Variants in ARPP21 observed in about 807,000 individuals in gnomAD.
The protein encoded by ARPP21 is cAMP regulated phosphoprotein 21, also known as cAMP-regulated phosphoprotein 21.
A neutral mutation model predicts 113.2 loss-of-function variants in ARPP21; 69 were observed. The ratio of observed to expected loss-of-function variants is 0.61; its 90% CI spans 0.50 to 0.74. ARPP21 has a LOEUF of 0.74. ARPP21 is among the 30% of genes least tolerant of loss of function. The probability of loss-of-function intolerance (pLI) is 0.00; values close to 1 mark genes in which losing one functional copy is unlikely to be tolerated. For missense variants in ARPP21, 1,070 were observed against 1,037.4 expected (o/e 1.03, Z -0.43); for synonymous variants, 368 against 375.5 (o/e 0.98, Z 0.23).
At chr3:35,693,312 T>C (rs2082810235) in intron 9 of ARPP21, among the ~76,000 whole-genome samples, 1 of 151,608 alleles carries the variant, frequency 6.6e-6, no homozygotes, top group Non-Finnish European at 1.5e-5. Context: ...AGTGTTGAGC[T>C]CAATAATGTT....
At chr3:35,743,769 A>T (rs1012946336) in intron 18 of ARPP21, 70 bp from the exon 19 acceptor site, 25 of 1,527,102 alleles carry the variant, frequency 1.6e-5, no homozygotes, top group Admixed American at 8.4e-5. Context: ...AGACGAAAGC[A>T]TATTTTAAGT....
chr3:35,711,883 C>A (rs1033788203), intron 11 of ARPP21, among the ~76,000 whole-genome samples: 1 of 152,168 alleles, frequency 6.6e-6, no homozygotes, highest in Non-Finnish European at 1.5e-5. Flanking sequence ...AAGCCACAGT[C>A]TTTTATAACC....
At chr3:35,688,197 C>T (rs751620921) in intron 6 of ARPP21, among the ~76,000 whole-genome samples, 6 of 151,304 alleles carry the variant, frequency 4.0e-5, no homozygotes, top group Non-Finnish European at 5.9e-5. Context: ...TTTCTTGGAC[C>T]GATTAACTTG....
chr3:35,714,579 G>A (rs970348161), intron 11 of ARPP21, among the ~76,000 whole-genome samples: 1 of 152,082 alleles, frequency 6.6e-6, no homozygotes, highest in African/African-American at 2.4e-5. Flanking sequence ...TTTGGAAATG[G>A]TTTTGTGTTA....
At chr3:35,741,590 A>T (rs920049203) in intron 18 of ARPP21, among the ~76,000 whole-genome samples, 3 of 152,248 alleles carry the variant, frequency 2.0e-5, no homozygotes, top group Admixed American at 6.5e-5. Context: ...TGAAAAGCAC[A>T]TGGACGAGAC....
chr3:35,757,724 T>G (rs2095624103), intron 19 of ARPP21, among the ~76,000 whole-genome samples: 1 of 152,130 alleles, frequency 6.6e-6, no homozygotes, highest in Admixed American at 6.6e-5. Flanking sequence ...GTTTTGACTC[T>G]TCTCTTTCTG....
At chr3:35,659,346 T>C (rs991716204) in intron 1 of ARPP21, among the ~76,000 whole-genome samples, 2 of 152,188 alleles carry the variant, frequency 1.3e-5, no homozygotes, top group Admixed American at 6.5e-5. Flanking sequence ...TTTTAAAATA[T>C]GATAATATGA....
chr3:35,664,635 C>T (rs1424401332), intron 1 of ARPP21, among the ~76,000 whole-genome samples: 1 of 152,124 alleles, frequency 6.6e-6, no homozygotes, highest in Non-Finnish European at 1.5e-5. Flanking sequence ...TTTATCCCTT[C>T]GAATTGAGCA....
chr3:35,710,027 C>A (rs2090527676), intron 11 of ARPP21, among the ~76,000 whole-genome samples: 1 of 152,208 alleles, frequency 6.6e-6, no homozygotes, highest in African/African-American at 2.4e-5. Context: ...CTCTGATCTT[C>A]CAGCTGGTCT....
intron 19 of ARPP21, among the ~76,000 whole-genome samples, chr3:35,773,451 C>T (rs1385982469): frequency 1.3e-5 from 2 of 152,112 alleles, no homozygotes; most frequent in East Asian, 1.9e-4. Flanking sequence ...CATGACTTGA[C>T]AATTTATGCC....
chr3:35,743,261 T>C (rs972244360), intron 18 of ARPP21, among the ~76,000 whole-genome samples: 2 of 152,246 alleles, frequency 1.3e-5, no homozygotes, highest in Admixed American at 1.3e-4. Flanking sequence ...GTTTTCGTTG[T>C]TGATGATAAC....
In ARPP21 at chr3:35,721,738, G is replaced by T. The variant is rs1478885794; in HGVS notation, c.1129G>T (p.Ala377Ser). 9 of 1,613,786 alleles carry T rather than the reference G, an allele frequency of 5.6e-6. No homozygotes were observed. The South Asian group carries it at 9.9e-5, about 18-fold the overall frequency. The part of the protein sequence containing the change: ...SDSSNRNLKP[A>S]MTKTASFGGI... ...CAGTTCCAACCGCAATCTAAAGCCC[G>T]CCATGACCAAGACGGCGAGTTTTGG... is the stretch of plus-strand genomic sequence containing the variant. The change falls in exon 14 of 21, where the codon GCC becomes TCC. Residue 377 changes from alanine (A) to serine (S), a missense_variant. Ala to Ser is a moderately conservative substitution (Grantham distance 99, BLOSUM62 1). Transcript: ENST00000684406.
At chr3:35,715,189 C>T (rs2092184439) in intron 11 of ARPP21, 1 of 371,262 alleles carries the variant, frequency 2.7e-6, no homozygotes, top group African/African-American at 2.0e-5. Context: ...CTTCTTCTGA[C>T]CTCCATGCCG....
intron 1 of ARPP21, among the ~76,000 whole-genome samples, chr3:35,670,158 G>A (rs1312537928): frequency 6.6e-6 from 1 of 152,092 alleles, no homozygotes; most frequent in Non-Finnish European, 1.5e-5. Context: ...TCATTGAAAA[G>A]TATTAAATAT....
chr3:35,667,935 A>T (rs1975578), intron 1 of ARPP21, among the ~76,000 whole-genome samples: 1 of 117,544 alleles, frequency 8.5e-6, no homozygotes. Flanking sequence ...GGAGGAGGAG[A>T]AGGAGAAGAA....
intron 13 of ARPP21, among the ~76,000 whole-genome samples, chr3:35,718,635 C>T (rs2092723927): frequency 6.6e-6 from 1 of 152,160 alleles, no homozygotes; most frequent in Admixed American, 6.6e-5. Context: ...AGAAGGGTAA[C>T]TTAGCACAAA....
Position 35,794,096 on chromosome 3 carries a change from A to G in ARPP21, c.*138A>G. 1 of 776,688 alleles carries G rather than the reference A, an allele frequency of 1.3e-6. No homozygotes were observed. The allele number at this position is 776,688 out of a possible 1,614,324, so 48.1% of individuals were successfully genotyped here. A position where few individuals can be genotyped will look rare whatever the true frequency, so the allele number is the denominator to read the frequency against. On this transcript the variant is annotated 3_prime_UTR_variant, in exon 21 of 21. Transcript: ENST00000684406. Reference sequence around the variant, plus strand: ...TGCTGCTGGTATTCTGTAAAAAATAAACAAAGACTAATATACACGTTAGCT... The same window carrying G: ...TGCTGCTGGTATTCTGTAAAAAATAGACAAAGACTAATATACACGTTAGCT...
chr3:35,737,428 G>A lies in ARPP21; in HGVS notation c.1644+66G>A, dbSNP rs978727699. ...AGATGAAGGCTACATAGTCCTCAGA[G>A]CAGCAGAGAATCAGGGAGAAGCGTA... On this transcript the variant is annotated intron_variant, in intron 16 of 20. Transcript: ENST00000684406. 1.1e-5 allele frequency: 12 copies of A among 1,082,706 alleles called. No individual in the cohort carries two copies. The African/African-American group carries it at 1.4e-4, about 13-fold the overall frequency. The allele number at this position is 1,082,706 out of a possible 1,614,324, so 67.1% of individuals were successfully genotyped here.
intron 19 of ARPP21, among the ~76,000 whole-genome samples, chr3:35,778,705 C>G (rs1441955062): frequency 1.3e-5 from 2 of 152,128 alleles, no homozygotes; most frequent in Non-Finnish European, 2.9e-5. Context: ...CACTAAAATA[C>G]CTGTGTCCTA....
Sources: allele counts gnomAD v4.1 joint callset (sites outside exome capture counted in the v4.1 genomes callset), GRCh38; gene constraint gnomAD v4.1.1; transcripts MANE v1.5; gene names NCBI Gene and HGNC (gene_info 2026-07-23, HGNC 2026-07-21).